Variants in ANKRD36 observed in about 807,000 individuals in gnomAD.
The protein encoded by ANKRD36 is ankyrin repeat domain-containing protein 36A.
Under a neutral mutation model 278.1 loss-of-function variants are expected in ANKRD36, and 179 were observed. The ratio of observed to expected loss-of-function variants is 0.64; its 90% CI spans 0.57 to 0.73. The LOEUF (loss-of-function observed/expected upper bound fraction) is 0.73, where lower values mean the gene tolerates loss of function less well. ANKRD36 is among the 30% of genes least tolerant of loss of function. The pLI is 0.00. For synonymous variants in ANKRD36, 320 were observed against 641.1 expected, an observed-to-expected ratio of 0.50 and a Z score of 7.57; for missense variants, 1,159 against 1,956.7, an observed-to-expected ratio of 0.59 and a Z score of 7.69.
chr2:97,122,793 A>G, intron 3 of ANKRD36, 94 bp from the exon 4 acceptor site: 1 of 1,197,738 alleles, frequency 8.3e-7, no homozygotes, highest in South Asian at 1.4e-5. Flanking sequence ...AATTGTATAT[A>G]TTGAAGCTCA....
intron 6 of ANKRD36, among the ~76,000 whole-genome samples, chr2:97,138,479 GA>G (rs1425933929): frequency 6.6e-6 from 1 of 152,034 alleles, no homozygotes; most frequent in Non-Finnish European, 1.5e-5. Context: ...TAGTTAGGAA[GA>G]ATCAATATCT....
intron 5 of ANKRD36, among the ~76,000 whole-genome samples, chr2:97,125,530 G>C (rs1168265776): frequency 1.3e-5 from 2 of 150,610 alleles, no homozygotes; most frequent in East Asian, 3.9e-4. Flanking sequence ...AACTGTCAGA[G>C]ATATTCAAAT....
At chr2:97,210,055 T>A (rs1029480525) in intron 56 of ANKRD36, among the ~76,000 whole-genome samples, 183 bp downstream of exon 56, 1 of 151,820 alleles carries the variant, frequency 6.6e-6, no homozygotes, top group Non-Finnish European at 1.5e-5. Flanking sequence ...TGATCTTCGC[T>A]CTAAGATTAT....
chr2:97,223,098 C>CTTTTTT (rs58708702), intron 66 of ANKRD36, among the ~76,000 whole-genome samples: 2 of 123,998 alleles, frequency 1.6e-5, no homozygotes, highest in South Asian at 3.0e-4. Flanking sequence ...TTATTATACA[C>CTTTTTT]TTTTTTTTTT....
chr2:97,198,935 G>A lies in ANKRD36; in HGVS notation c.2755+277G>A, dbSNP rs535467196. On this transcript the variant is annotated intron_variant, in intron 44 of 75. Transcript: ENST00000420699. Reference sequence around the variant, plus strand: ...GGGCTCCGGGGAACAACATAATTTTGCTTTAATTCTCCAGCTTGTTTTCAG... The same window carrying A: ...GGGCTCCGGGGAACAACATAATTTTACTTTAATTCTCCAGCTTGTTTTCAG... Among the ~76,000 whole-genome samples the A allele has an allele frequency of 6.6e-5, 10 of 151,990 alleles. No homozygotes were observed. In the South Asian group the frequency reaches 1.0e-3, roughly 16 times the overall value.
At chr2:97,202,071 C>G in intron 46 of ANKRD36, 131 bp from the exon 47 acceptor site, 1 of 1,535,516 alleles carries the variant, frequency 6.5e-7, no homozygotes, top group Non-Finnish European at 8.7e-7. Context: ...TCCCCAGACA[C>G]AAAGTAGAAG....
At chr2:97,144,350 C>T (rs910061314) in intron 8 of ANKRD36, among the ~76,000 whole-genome samples, 168 bp from the exon 9 acceptor site, 3 of 152,336 alleles carry the variant, frequency 2.0e-5, no homozygotes, top group Admixed American at 6.5e-5. Flanking sequence ...CTTCTGTTTT[C>T]TACAGTGTAA....
rs1343011068 is a variant in ANKRD36, at chr2:97,124,499, T to C, written c.633T>C (p.Asp211=). The part of the protein sequence containing the change: ...LIHAVTLGEK[D]IVILLLQHNI... ...ATGCTGTTACTCTTGGAGAAAAAGA[T>C]ATAGTCATTCTTCTTCTGCAGCACA... Residue 211 remains aspartate, a synonymous_variant, in exon 5 of 76, where the codon GAT becomes GAC. Coordinates refer to ENST00000420699, the MANE Select transcript of ANKRD36 (RefSeq NM_001354587.1). 1 of 1,551,698 alleles carries C rather than the reference T, an allele frequency of 6.4e-7. No individual in the cohort carries two copies. The highest frequency in any genetic ancestry group is 1.4e-5 in the African/African-American group (1 of 73,112).
chr2:97,229,411 C>T (rs1185765146), intron 67 of ANKRD36, among the ~76,000 whole-genome samples: 6 of 152,182 alleles, frequency 3.9e-5, no homozygotes, highest in South Asian at 2.1e-4. Context: ...TTGTCTCTTT[C>T]GATCTTTGTT....
intron 66 of ANKRD36, among the ~76,000 whole-genome samples, chr2:97,221,912 G>T (rs1327621641): frequency 2.0e-5 from 3 of 148,704 alleles, no homozygotes; most frequent in Non-Finnish European, 4.5e-5. Context: ...ATGGTTTTAG[G>T]TCTAACATTT....
intron 28 of ANKRD36, among the ~76,000 whole-genome samples, 173 bp downstream of exon 28, chr2:97,183,827 A>T (rs188583367): frequency 6.6e-6 from 1 of 151,698 alleles, no homozygotes; most frequent in African/African-American, 2.4e-5. Context: ...GTCCTTGGCC[A>T]TGATCTTAGT....
At chr2:97,136,855 T>C (rs1254714862) in intron 6 of ANKRD36, among the ~76,000 whole-genome samples, 1 of 152,066 alleles carries the variant, frequency 6.6e-6, no homozygotes, top group African/African-American at 2.4e-5. Context: ...TTTCTGTCAG[T>C]GTGATAGGAT....
intron 1 of ANKRD36, among the ~76,000 whole-genome samples, chr2:97,115,719 G>A (rs2035128354): frequency 6.6e-6 from 1 of 150,984 alleles, no homozygotes; most frequent in Non-Finnish European, 1.5e-5. Flanking sequence ...CATTTCTGAT[G>A]ACTTTTCAAA....
chr2:97,197,920 C>A (rs2060238220), intron 42 of ANKRD36, among the ~76,000 whole-genome samples: 1 of 151,886 alleles, frequency 6.6e-6, no homozygotes, highest in Admixed American at 6.6e-5. Flanking sequence ...TAGATATCTG[C>A]AAACATATAT....
intron 38 of ANKRD36, among the ~76,000 whole-genome samples, chr2:97,194,379 G>C (rs1178158427): frequency 1.3e-5 from 2 of 151,632 alleles, no homozygotes; most frequent in Non-Finnish European, 2.9e-5. Context: ...TGTAGCACCT[G>C]TTTTGACATT....
chr2:97,204,533 T>A (rs1455935602), intron 50 of ANKRD36, among the ~76,000 whole-genome samples: 1 of 151,258 alleles, frequency 6.6e-6, no homozygotes, highest in Non-Finnish European at 1.5e-5. Flanking sequence ...GGGAACAACA[T>A]AATTTTGCTT....
At chr2:97,207,552 TG>T (rs1478332738) in intron 52 of ANKRD36, among the ~76,000 whole-genome samples, 1 of 151,580 alleles carries the variant, frequency 6.6e-6, no homozygotes, top group Admixed American at 6.6e-5. Flanking sequence ...ACGTTGATAT[TG>T]ACACGGTTTT....
At chr2:97,171,441 T>C (rs2052464780) in intron 22 of ANKRD36, among the ~76,000 whole-genome samples, 1 of 143,078 alleles carries the variant, frequency 7.0e-6, no homozygotes, top group East Asian at 2.1e-4. Context: ...CTCAGTAAAC[T>C]ATCGCAAGAA....
At chr2:97,159,173 C>T (rs2048237688) in intron 17 of ANKRD36, among the ~76,000 whole-genome samples, 1 of 151,806 alleles carries the variant, frequency 6.6e-6, no homozygotes, top group African/African-American at 2.4e-5. Flanking sequence ...AAAAGAAAGC[C>T]AAGTAATTGA....
Sources: gnomAD v4.1 joint callset for allele counts (sites outside exome capture counted in the v4.1 genomes callset) on GRCh38, gnomAD v4.1.1 for gene constraint, MANE v1.5 for transcripts, NCBI Gene and HGNC (gene_info 2026-07-23, HGNC 2026-07-21) for gene names.